The following DLC1 variants were observed in gnomAD, a reference collection of about 807,000 sequenced individuals.
The protein encoded by DLC1 is DLC1 Rho GTPase activating protein, also known as rho GTPase-activating protein 7.
Under a neutral mutation model 140.3 loss-of-function variants are expected in DLC1, and 54 were observed. That is an observed-to-expected ratio of 0.38 (90% CI 0.31 to 0.48). DLC1 has a LOEUF of 0.48. DLC1 is among the 20% of genes least tolerant of loss of function. The pLI is 0.96. For synonymous variants in DLC1, 986 were observed against 728.1 expected (o/e 1.35, Z -5.70); for missense variants, 2,536 against 1,907.0 (o/e 1.33, Z -6.14).
chr8:13,327,621 A>G (rs765817003), intron 4 of DLC1, among the ~76,000 whole-genome samples: 5 of 151,724 alleles, frequency 3.3e-5, no homozygotes, highest in African/African-American at 1.2e-4. Flanking sequence ...CCCAGCTGAA[A>G]CCTATTTTCT....
At chr8:13,414,903 C>G (rs933320664) in intron 2 of DLC1, among the ~76,000 whole-genome samples, 2 of 151,920 alleles carry the variant, frequency 1.3e-5, no homozygotes, top group Non-Finnish European at 2.9e-5. Context: ...CTCCACCTCC[C>G]AGGTTCAAGC....
chr8:13,515,271 C>G (rs1256886825), upstream of DLC1, among the ~76,000 whole-genome samples: 2 of 152,152 alleles, frequency 1.3e-5, no homozygotes, highest in Non-Finnish European at 1.5e-5. Flanking sequence ...TTCTAAATGG[C>G]AAAACCTTTT....
At chr8:13,534,629 G>A (rs1803208676) in intron 1 of DLC1, among the ~76,000 whole-genome samples, 2 of 152,054 alleles carry the variant, frequency 1.3e-5, no homozygotes, top group Admixed American at 1.3e-4. Context: ...TCTAGGAAAA[G>A]CGCCACTGCT....
intron 5 of DLC1, among the ~76,000 whole-genome samples, chr8:13,196,890 C>T (rs930847015): frequency 6.6e-6 from 1 of 152,188 alleles, no homozygotes; most frequent in Non-Finnish European, 1.5e-5. Context: ...TTTGATTCTA[C>T]TACTTCAGAG....
chr8:13,570,294 C>CTT (rs112007896), intron 1 of DLC1, among the ~76,000 whole-genome samples: 120 of 121,862 alleles, frequency 9.8e-4, no homozygotes, highest in Admixed American at 1.5e-3. Flanking sequence ...TAAATTCTCT[C>CTT]TTTTTTTTTT....
At chr8:13,160,338 C>T (rs568072571) in intron 5 of DLC1, 1 of 152,174 alleles carries the variant, frequency 6.6e-6, no homozygotes. Context: ...TAACTTGAAG[C>T]CATAAACATT....
chr8:13,451,577 C>T (rs1799061311), intron 2 of DLC1, among the ~76,000 whole-genome samples: 2 of 152,154 alleles, frequency 1.3e-5, no homozygotes, highest in South Asian at 4.1e-4. Flanking sequence ...AATTCGATGG[C>T]TTTGATTTTC....
intron 5 of DLC1, chr8:13,304,826 A>G: frequency 2.0e-6 from 2 of 978,984 alleles, no homozygotes; most frequent in Non-Finnish European, 2.4e-6. Context: ...CTTCAATACA[A>G]TTATTCACAT....
intron 5 of DLC1, chr8:13,132,944 G>T (rs1400383849): frequency 3.1e-6 from 5 of 1,608,578 alleles, no homozygotes; most frequent in South Asian, 2.2e-5. Flanking sequence ...TCTAGCTTAC[G>T]TGTTAGGATC....
intron 5 of DLC1, among the ~76,000 whole-genome samples, chr8:13,248,567 C>T (rs961701113): frequency 5.9e-4 from 90 of 152,184 alleles, no homozygotes; most frequent in Admixed American, 1.4e-3. Flanking sequence ...GGCAGCCTCA[C>T]CGTGGGAGGC....
intron 3 of DLC1, among the ~76,000 whole-genome samples, chr8:13,399,352 T>G (rs753200747): frequency 6.6e-6 from 1 of 152,150 alleles, no homozygotes; most frequent in Non-Finnish European, 1.5e-5. Flanking sequence ...CTGACTAATG[T>G]GGATGCAAAT....
At chr8:13,209,185 T>C (rs1194422194) in intron 5 of DLC1, among the ~76,000 whole-genome samples, 1 of 152,178 alleles carries the variant, frequency 6.6e-6, no homozygotes, top group Non-Finnish European at 1.5e-5. Flanking sequence ...CTGTAGCTAT[T>C]TGATATATAT....
rs914233432 is a variant in DLC1, at chr8:13,522,324, T to C, written c.-125-22128A>G. 2.0e-5 allele frequency among the ~76,000 whole-genome samples: 3 copies of C among 152,108 alleles called. No homozygotes were observed. The East Asian group carries it at 5.8e-4, about 30-fold the overall frequency. ...GCTTAAATGGGGGGTACGGAATTGGTAATCAAGAATAAACATAAGTCTGGG... is the reference window on the plus strand; with the variant it reads ...GCTTAAATGGGGGGTACGGAATTGGCAATCAAGAATAAACATAAGTCTGGG... On this transcript the variant is annotated intron_variant, in intron 1 of 1. Coordinates refer to the DLC1 transcript ENST00000631382.
chr8:13,148,677 T>C (rs78982297), intron 5 of DLC1, among the ~76,000 whole-genome samples: 4 of 152,100 alleles, frequency 2.6e-5, no homozygotes, highest in African/African-American at 9.7e-5. Flanking sequence ...GTTGTTGTTG[T>C]TTTCTGTCTA....
intron 5 of DLC1, among the ~76,000 whole-genome samples, chr8:13,211,216 G>T (rs1001143515): frequency 2.0e-5 from 3 of 152,180 alleles, no homozygotes; most frequent in African/African-American, 7.2e-5. Flanking sequence ...CAGGAAGTTT[G>T]TGAATAATAC....
At chr8:13,403,813 T>TTG (rs1837404897) in intron 2 of DLC1, among the ~76,000 whole-genome samples, 1 of 148,520 alleles carries the variant, frequency 6.7e-6, no homozygotes, top group Non-Finnish European at 1.5e-5. Context: ...GGCTGTTTTT[T>TTG]TTTTTTTTTT....
At chr8:13,525,210 C>T (rs915800881) in intron 1 of DLC1, among the ~76,000 whole-genome samples, 4 of 152,146 alleles carry the variant, frequency 2.6e-5, no homozygotes, top group African/African-American at 7.2e-5. Context: ...GAATATATCA[C>T]GATTTATTTA....
At chr8:13,586,365 A>G (rs1290164788) in intron 1 of DLC1, among the ~76,000 whole-genome samples, 1 of 152,110 alleles carries the variant, frequency 6.6e-6, no homozygotes, top group African/African-American at 2.4e-5. Context: ...GTAAGACTTG[A>G]TGACCGATTG....
At chr8:13,459,382 T>C (rs749084872) in intron 2 of DLC1, among the ~76,000 whole-genome samples, 53 of 152,320 alleles carry the variant, frequency 3.5e-4, no homozygotes, top group Non-Finnish European at 6.8e-4. Context: ...CATGGCTTTC[T>C]TCCTGATTTT....
Sources: gnomAD v4.1 joint callset for allele counts (sites outside exome capture counted in the v4.1 genomes callset) on GRCh38, gnomAD v4.1.1 for gene constraint, MANE v1.5 for transcripts, NCBI Gene and HGNC (gene_info 2026-07-23, HGNC 2026-07-21) for gene names.